ADGRG4: variants seen among roughly 807,000 people sequenced by gnomAD.
The protein encoded by ADGRG4 is adhesion G protein-coupled receptor G4, also known as G protein-coupled receptor 112.
A neutral mutation model predicts 126.2 loss-of-function variants in ADGRG4; 122 were observed. The observed-to-expected ratio is 0.97, with a 90% CI of 0.83 to 1.12. ADGRG4 has a LOEUF of 1.12. Ranked by LOEUF, ADGRG4 falls within the 50% of genes most tolerant of loss-of-function variation. The probability of loss-of-function intolerance (pLI) is 0.00; values close to 1 mark genes in which losing one functional copy is unlikely to be tolerated. For missense variants in ADGRG4, 2,481 were observed against 2,251.8 expected (o/e 1.10, Z -2.06); for synonymous variants, 943 against 838.7 (o/e 1.12, Z -2.15).
At chrX:136,330,472 G>C (rs2074902357) in intron 5 of ADGRG4, among the ~76,000 whole-genome samples, 1 of 108,466 alleles carries the variant, frequency 9.2e-6, no homozygotes, top group African/African-American at 3.4e-5. Flanking sequence ...TTCCATTGCT[G>C]AGTAGTATTC....
chrX:136,331,474 A>G (rs1178283685), intron 5 of ADGRG4, among the ~76,000 whole-genome samples: 2 of 112,702 alleles, frequency 1.8e-5, no homozygotes, highest in East Asian at 2.8e-4. Context: ...ACAAACTGTC[A>G]GACTGTTTTA....
At chrX:136,316,493 G>A (rs1375011763) in intron 4 of ADGRG4, among the ~76,000 whole-genome samples, 2 of 111,480 alleles carry the variant, frequency 1.8e-5, no homozygotes, top group Non-Finnish European at 3.8e-5. Context: ...TTGAGACAGA[G>A]TTTTGCTCTT....
chrX:136,371,814 T>G (rs2075196444), intron 14 of ADGRG4, among the ~76,000 whole-genome samples: 1 of 111,617 alleles, frequency 9.0e-6, no homozygotes, highest in African/African-American at 3.3e-5. Context: ...TTGATGTTCA[T>G]AGGCTATACA....
At chrX:136,392,576 TG>T (rs1043622463) in intron 17 of ADGRG4, among the ~76,000 whole-genome samples, 1 of 111,876 alleles carries the variant, frequency 8.9e-6, no homozygotes, top group African/African-American at 3.3e-5. Context: ...GACAGATTGG[TG>T]GGGCAGTGAC....
Position 136,346,923 on chromosome X carries a change from A to G in ADGRG4, c.3217A>G (p.Thr1073Ala), listed in dbSNP as rs1049034246. The G allele has an allele frequency of 3.3e-6, 4 of 1,211,101 alleles. No individual in the cohort carries two copies. Among genetic ancestry groups the G allele is most frequent in the Non-Finnish European group, 2.2e-6 (2 of 895,111 alleles). Reference sequence around the variant, plus strand: ...ACCACCTTTGGATCAGACTGCTTCCACAACCATTGTTATTGTGCCTACCCA... The same window carrying G: ...ACCACCTTTGGATCAGACTGCTTCCGCAACCATTGTTATTGTGCCTACCCA... ...LVPPLDQTAS[T>A]TIVIVPTHGD... Residue 1073 changes from threonine to alanine, a missense_variant, in exon 6 of 26, where the codon ACA becomes GCA. Thr to Ala is a moderately conservative substitution (Grantham distance 58, BLOSUM62 0). Transcript: ENST00000394143.
At position 136,348,153 on chromosome X, in the gene ADGRG4, G is replaced by A. The variant is rs747707709; in HGVS notation, c.4447G>A (p.Asp1483Asn). The A allele has an allele frequency of 6.6e-6, 8 of 1,209,175 alleles. No homozygotes were observed. The highest frequency in any genetic ancestry group is 4.4e-5 in the Admixed American group (2 of 45,941). Residue 1483 changes from aspartate to asparagine, a missense_variant, in exon 6 of 26, where the codon GAC becomes AAC. Coordinates refer to ENST00000394143, the MANE Select transcript of ADGRG4 (RefSeq NM_153834.4). ...TAATGACGGTTTTACAGTTCTCTCC[G>A]ACAGGATCACTACAGCCTTTTCTGT... Reference protein sequence around the residue: ...LYNDGFTVLSDRITTAFSVPN... With the variant: ...LYNDGFTVLSNRITTAFSVPN...
Position 136,348,126 on chromosome X carries a change from TATA to T in ADGRG4, c.4423_4425del (p.Asn1475del), listed in dbSNP as rs1476456029. 9.1e-6 allele frequency: 11 copies of T among 1,208,969 alleles called. No homozygotes were observed. The highest frequency in any genetic ancestry group is 1.8e-5 in the African/African-American group (1 of 57,130). Reference sequence around the variant, plus strand: ...CTTGTCTCTTTCCACAGCTGGACTATATAATGACGGTTTTACAGTTCTCTCCGA... The same window carrying T: ...CTTGTCTCTTTCCACAGCTGGACTATATGACGGTTTTACAGTTCTCTCCGA... On this transcript the variant is annotated inframe_deletion, in exon 6 of 26. Coordinates refer to ENST00000394143, the MANE Select transcript of ADGRG4 (RefSeq NM_153834.4).
intron 15 of ADGRG4, among the ~76,000 whole-genome samples, chrX:136,377,509 C>T (rs182595761): frequency 2.1e-4 from 23 of 111,599 alleles, no homozygotes; most frequent in Non-Finnish European, 4.3e-4. Context: ...TTTAAATTTT[C>T]GTGAAGTCTA....
In ADGRG4 at chrX:136,348,639, T is replaced by G; in HGVS notation, c.4933T>G (p.Phe1645Val). 1 of 1,210,240 alleles carries G rather than the reference T, an allele frequency of 8.3e-7. No individual in the cohort carries two copies. The highest frequency in any genetic ancestry group is 1.1e-6 in the Non-Finnish European group (1 of 894,735). ...EAPSRITPTT[F>V]LSPTEPTLPF... ...ACCTTCCAGGATCACACCTACGACC[T>G]TTCTCTCTCCAACAGAGCCAACTTT... Residue 1645 changes from phenylalanine (F) to valine (V), a missense_variant, in exon 6 of 26, where the codon TTT (phenylalanine) becomes GTT (valine). Coordinates refer to ENST00000394143, the MANE Select transcript of ADGRG4 (RefSeq NM_153834.4).
chrX:136,409,921 A>G (rs932724118), intron 23 of ADGRG4, among the ~76,000 whole-genome samples: 4 of 112,728 alleles, frequency 3.5e-5, no homozygotes, highest in Non-Finnish European at 7.5e-5. Context: ...TGTGTTCTAT[A>G]GTCAGACTGC....
At position 136,387,868 on chromosome X, in the gene ADGRG4, C is replaced by T; in HGVS notation, c.7905C>T (p.Leu2635=). 5 of 1,206,316 alleles carry T rather than the reference C, an allele frequency of 4.1e-6. No individual in the cohort carries two copies. Among genetic ancestry groups the T allele is most frequent in the Non-Finnish European group, 4.5e-6 (4 of 892,240 alleles). Residue 2635 remains leucine (L), a synonymous_variant, in exon 16 of 26, where the codon CTC becomes CTT. Coordinates refer to ENST00000394143, the MANE Select transcript of ADGRG4 (RefSeq NM_153834.4). ...ILFNFFGQTS[L]FKTKNVTKAL... is the part of the protein sequence containing the mutation. ...TTAATTTCTTTGGCCAAACTTCACT[C>T]TTTAAGGTAAATTCTTGCCTGTGGT...
Position 136,345,423 on chromosome X carries a change from A to T in ADGRG4, c.1717A>T (p.Thr573Ser). The T allele has an allele frequency of 8.3e-7, 1 of 1,208,452 alleles. No homozygotes were observed. The highest frequency in any genetic ancestry group is 1.1e-6 in the Non-Finnish European group (1 of 892,603). ...FSFTGTESVQ[T>S]VIDAEATRTA... ...ATTTACTGGGACTGAGAGTGTACAGACAGTTATTGATGCTGAAGCTACACG... is the reference window on the plus strand; with the variant it reads ...ATTTACTGGGACTGAGAGTGTACAGTCAGTTATTGATGCTGAAGCTACACG... Residue 573 changes from threonine (T) to serine (S), a missense_variant, in exon 6 of 26, where the codon ACA becomes TCA. Thr to Ser is a moderately conservative substitution (Grantham distance 58, BLOSUM62 1). Coordinates refer to ENST00000394143, the MANE Select transcript of ADGRG4 (RefSeq NM_153834.4).
intron 11 of ADGRG4, among the ~76,000 whole-genome samples, chrX:136,361,134 C>T (rs1278789937): frequency 2.7e-5 from 3 of 109,799 alleles, no homozygotes; most frequent in Admixed American, 9.8e-5. Flanking sequence ...CATAGCAAGA[C>T]GCTGTCTGTA....
At chrX:136,405,659 C>T (rs1184919490) in intron 22 of ADGRG4, 33 bp from the exon 23 acceptor site, 2 of 1,059,394 alleles carry the variant, frequency 1.9e-6, no homozygotes, top group Non-Finnish European at 2.5e-6. Flanking sequence ...TTATGTTTCC[C>T]TATCTCATGA....
chrX:136,346,677 T>A lies in ADGRG4; in HGVS notation c.2971T>A (p.Ser991Thr). ...TPTDRTATSL[S>T]DGILPPQPTA... ...TACAGACAGGACAGCTACGTCCTTG[T>A]CTGATGGTATCTTACCTCCACAGCC... Residue 991 changes from serine (S) to threonine (T), a missense_variant, in exon 6 of 26, where the codon TCT becomes ACT. Ser to Thr is a moderately conservative substitution (Grantham distance 58, BLOSUM62 1). Transcript: ENST00000394143. 8.3e-7 allele frequency: 1 copy of A among 1,210,790 alleles called. No homozygotes were observed. Among genetic ancestry groups the A allele is most frequent in the Non-Finnish European group, 1.1e-6 (1 of 894,990 alleles).
At chrX:136,314,071 G>GTTTTC (rs1474791977) in intron 4 of ADGRG4, among the ~76,000 whole-genome samples, 3 of 110,836 alleles carry the variant, frequency 2.7e-5, no homozygotes, top group Non-Finnish European at 5.7e-5. Flanking sequence ...AAATCTGACC[G>GTTTTC]TTTTCTTTTC....
chrX:136,371,169 C>T lies in ADGRG4; in HGVS notation c.7397-159C>T, dbSNP rs185280037. On this transcript the variant is annotated intron_variant, in intron 13 of 25. Coordinates refer to ENST00000394143, the MANE Select transcript of ADGRG4 (RefSeq NM_153834.4). ...TATGTTCTACTTTCTGGGACTACACCTATTGTAGAAACAAAGGGCCAATAT... is the reference window on the plus strand; with the variant it reads ...TATGTTCTACTTTCTGGGACTACACTTATTGTAGAAACAAAGGGCCAATAT... Among the ~76,000 whole-genome samples, 6 of 111,808 alleles carry T rather than the reference C, an allele frequency of 5.4e-5. No individual in the cohort carries two copies. In the Admixed American group the frequency reaches 5.7e-4, roughly 11 times the overall value.
At chrX:136,303,851 G>A (rs1256397805) in intron 1 of ADGRG4, among the ~76,000 whole-genome samples, 6 of 110,877 alleles carry the variant, frequency 5.4e-5, no homozygotes, top group Admixed American at 2.9e-4. Context: ...GAGAGGGAAT[G>A]AAGATGGCTT....
chrX:136,319,985 C>T (rs1476493314), intron 4 of ADGRG4, among the ~76,000 whole-genome samples: 6 of 111,644 alleles, frequency 5.4e-5, no homozygotes, highest in Non-Finnish European at 1.1e-4. Flanking sequence ...TGTGCTCTTC[C>T]ACACTTTTTT....
Sources: allele counts gnomAD v4.1 joint callset (sites outside exome capture counted in the v4.1 genomes callset), GRCh38; gene constraint gnomAD v4.1.1; transcripts MANE v1.5; gene names NCBI Gene and HGNC (gene_info 2026-07-23, HGNC 2026-07-21).